ST6GALNAC3: variants seen among roughly 807,000 people sequenced by gnomAD.
The protein encoded by ST6GALNAC3 is alpha-N-acetylgalactosaminide alpha-2,6-sialyltransferase 3.
A neutral mutation model predicts 32.7 loss-of-function variants in ST6GALNAC3; 25 were observed. That is an observed-to-expected ratio of 0.76 (90% CI 0.56 to 1.07). ST6GALNAC3 has a LOEUF of 1.07. Ranked by LOEUF, ST6GALNAC3 falls within the 50% of genes least tolerant of loss-of-function variation. The probability of loss-of-function intolerance (pLI) is 0.00; values close to 1 mark genes in which losing one functional copy is unlikely to be tolerated. For missense variants in ST6GALNAC3, 355 were observed against 382.4 expected, an observed-to-expected ratio of 0.93 and a Z score of 0.60; for synonymous variants, 129 against 133.1, an observed-to-expected ratio of 0.97 and a Z score of 0.21.
At chr1:76,445,180 A>G (rs2101527922) in intron 3 of ST6GALNAC3, among the ~76,000 whole-genome samples, 1 of 152,292 alleles carries the variant, frequency 6.6e-6, no homozygotes, top group East Asian at 1.9e-4. Context: ...CTCTACTAAG[A>G]AGACTTCCCT....
At chr1:76,571,223 T>C (rs1383334461) in intron 3 of ST6GALNAC3, among the ~76,000 whole-genome samples, 2 of 152,100 alleles carry the variant, frequency 1.3e-5, no homozygotes, top group Non-Finnish European at 2.9e-5. Context: ...AAAGATATCT[T>C]CTGAAATATT....
rs147029894 is a variant in ST6GALNAC3, at chr1:76,110,999, G to T, written c.18+36115G>T. On this transcript the variant is annotated intron_variant, in intron 1 of 4. Coordinates refer to ENST00000328299, the MANE Select transcript of ST6GALNAC3 (RefSeq NM_152996.4). ...AGAGGAGAAGAGACAAGAGAGGAAA[G>T]AGAGAGAAAATCTGGAAAGATGGCA... Among the ~76,000 whole-genome samples the T allele has an allele frequency of 5.8e-3, 881 of 152,278 alleles. 11 individuals are homozygous for T. The highest frequency in any genetic ancestry group is 0.02 in the African/African-American group (839 of 41,574).
At chr1:76,304,727 A>T (rs1660939110) in intron 1 of ST6GALNAC3, among the ~76,000 whole-genome samples, 1 of 152,074 alleles carries the variant, frequency 6.6e-6, no homozygotes, top group Non-Finnish European at 1.5e-5. Context: ...CAGAAAAATA[A>T]GAGATTCCAG....
intron 2 of ST6GALNAC3, among the ~76,000 whole-genome samples, chr1:76,389,986 C>T (rs1035824811): frequency 2.0e-5 from 3 of 152,144 alleles, no homozygotes; most frequent in Non-Finnish European, 2.9e-5. Context: ...CTTTCTTCCA[C>T]TGATCTAGTA....
intron 1 of ST6GALNAC3, among the ~76,000 whole-genome samples, chr1:76,193,011 C>G (rs1653990372): frequency 1.3e-5 from 2 of 152,120 alleles, no homozygotes; most frequent in Non-Finnish European, 2.9e-5. Context: ...AAATGCTAAG[C>G]TTAGGACATT....
At chr1:76,094,687 T>C (rs1647099014) in intron 1 of ST6GALNAC3, among the ~76,000 whole-genome samples, 1 of 152,178 alleles carries the variant, frequency 6.6e-6, no homozygotes, top group Non-Finnish European at 1.5e-5. Flanking sequence ...CCAAAGATTG[T>C]TCTAATGGAA....
At chr1:76,584,927 G>A (rs1570366470) in intron 3 of ST6GALNAC3, among the ~76,000 whole-genome samples, 2 of 152,110 alleles carry the variant, frequency 1.3e-5, no homozygotes, top group Admixed American at 1.3e-4. Context: ...TCTCTGTCAC[G>A]AGGCCAGCAA....
At chr1:76,552,216 G>A (rs1570239042) in intron 3 of ST6GALNAC3, among the ~76,000 whole-genome samples, 1 of 152,132 alleles carries the variant, frequency 6.6e-6, no homozygotes, top group Admixed American at 6.5e-5. Context: ...TAGTCTCAGG[G>A]CCCACAAAGA....
At chr1:76,265,152 A>G (rs1271921201) in intron 1 of ST6GALNAC3, among the ~76,000 whole-genome samples, 18 of 152,140 alleles carry the variant, frequency 1.2e-4, no homozygotes, top group Non-Finnish European at 2.9e-5. Flanking sequence ...AAGAGAAAAA[A>G]AGTCATTTTG....
chr1:76,348,532 C>G (rs1648707863), intron 2 of ST6GALNAC3, among the ~76,000 whole-genome samples: 1 of 152,184 alleles, frequency 6.6e-6, no homozygotes, highest in Admixed American at 6.5e-5. Flanking sequence ...ACTTCCAAGA[C>G]AGAGCAAGGC....
chr1:76,264,046 G>A (rs926390998), intron 1 of ST6GALNAC3, among the ~76,000 whole-genome samples: 51 of 152,114 alleles, frequency 3.4e-4, no homozygotes, highest in African/African-American at 1.1e-3. Context: ...GACATTCACC[G>A]TTATTATTTT....
chr1:76,468,890 G>A (rs1418198899), intron 3 of ST6GALNAC3, among the ~76,000 whole-genome samples: 4 of 152,020 alleles, frequency 2.6e-5, no homozygotes, highest in Non-Finnish European at 4.4e-5. Flanking sequence ...TGAATGGAAG[G>A]AAGGAGGGAA....
At chr1:76,278,382 C>G (rs547307889) in intron 1 of ST6GALNAC3, among the ~76,000 whole-genome samples, 2 of 151,926 alleles carry the variant, frequency 1.3e-5, no homozygotes, top group Non-Finnish European at 2.9e-5. Context: ...CCACCATGCC[C>G]AGCTAATTTT....
chr1:76,590,871 G>A (rs72680007), intron 3 of ST6GALNAC3, among the ~76,000 whole-genome samples: 3,544 of 152,178 alleles, frequency 0.023, 65 homozygotes, highest in Non-Finnish European at 0.036. Context: ...TGGTTATTAT[G>A]AATATTAAAG....
intron 1 of ST6GALNAC3, among the ~76,000 whole-genome samples, chr1:76,089,331 A>G (rs538011584): frequency 4.5e-4 from 69 of 152,322 alleles, no homozygotes; most frequent in African/African-American, 1.1e-3. Context: ...GATTACAGGC[A>G]TAAGCCACCG....
chr1:76,103,745 T>TCCATTTCAC (rs1365497536), intron 1 of ST6GALNAC3, among the ~76,000 whole-genome samples: 11 of 152,196 alleles, frequency 7.2e-5, no homozygotes, highest in African/African-American at 2.7e-4. Context: ...TGCTTGTAGC[T>TCCATTTCAC]ATCTCTCTGT....
chr1:76,250,516 G>A (rs1557727190), intron 1 of ST6GALNAC3, among the ~76,000 whole-genome samples: 1 of 152,174 alleles, frequency 6.6e-6, no homozygotes, highest in Non-Finnish European at 1.5e-5. Context: ...TCCATGGAAA[G>A]TAAGCAGAGG....
chr1:76,086,156 A>T (rs1006568013), intron 1 of ST6GALNAC3, among the ~76,000 whole-genome samples: 2 of 152,016 alleles, frequency 1.3e-5, no homozygotes, highest in Non-Finnish European at 2.9e-5. Flanking sequence ...CACACTTTGG[A>T]CCCCCCACTT....
chr1:76,404,300 G>A (rs1270844642), intron 2 of ST6GALNAC3, among the ~76,000 whole-genome samples: 1 of 151,916 alleles, frequency 6.6e-6, no homozygotes, highest in Non-Finnish European at 1.5e-5. Flanking sequence ...TTTGTGGAGG[G>A]GCAAGGAAGT....
Sources: gnomAD v4.1 joint callset for allele counts (sites outside exome capture counted in the v4.1 genomes callset) on GRCh38, gnomAD v4.1.1 for gene constraint, MANE v1.5 for transcripts, NCBI Gene and HGNC (gene_info 2026-07-23, HGNC 2026-07-21) for gene names.